DNAJC1: variants seen among roughly 807,000 people sequenced by gnomAD.
DNAJC1 encodes the protein DnaJ heat shock protein family (Hsp40) member C1.
A neutral mutation model predicts 76.6 loss-of-function variants in DNAJC1; 58 were observed. The observed-to-expected ratio is 0.76, with a 90% CI of 0.61 to 0.94. DNAJC1 has a LOEUF of 0.94. Among genes scored for constraint, DNAJC1 ranks in the 40% least tolerant of loss-of-function variants. The pLI is 0.00. For synonymous variants in DNAJC1, 258 were observed against 267.9 expected, an observed-to-expected ratio of 0.96 and a Z score of 0.36; for missense variants, 689 against 677.3, an observed-to-expected ratio of 1.02 and a Z score of -0.19.
At chr10:21,854,809 G>C (rs759249604) in intron 8 of DNAJC1, among the ~76,000 whole-genome samples, 1 of 152,000 alleles carries the variant, frequency 6.6e-6, no homozygotes, top group South Asian at 2.1e-4. Flanking sequence ...TTATCTTGGC[G>C]TTTTAAAAAT....
chr10:21,939,190 G>A (rs938760798), intron 1 of DNAJC1, among the ~76,000 whole-genome samples: 17 of 152,022 alleles, frequency 1.1e-4, no homozygotes, highest in East Asian at 1.9e-4. Context: ...CTCCCGGCCC[G>A]CTCAAAGTAA....
intron 1 of DNAJC1, among the ~76,000 whole-genome samples, chr10:21,932,176 A>G (rs1455483245): frequency 6.6e-6 from 1 of 152,034 alleles, no homozygotes; most frequent in Non-Finnish European, 1.5e-5. Flanking sequence ...ATCTGTGCAA[A>G]AAAAAATTGT....
intron 9 of DNAJC1, among the ~76,000 whole-genome samples, chr10:21,791,624 T>C (rs1360630317): frequency 6.6e-6 from 1 of 152,012 alleles, no homozygotes; most frequent in Admixed American, 6.6e-5. Flanking sequence ...GAAAATTAAA[T>C]GTGCTCCTGA....
At chr10:21,870,571 G>A (rs959889299) in intron 8 of DNAJC1, among the ~76,000 whole-genome samples, 1 of 151,952 alleles carries the variant, frequency 6.6e-6, no homozygotes, top group Non-Finnish European at 1.5e-5. Flanking sequence ...CCCAAGAGTT[G>A]GAGACGAGCC....
intron 7 of DNAJC1, among the ~76,000 whole-genome samples, chr10:21,891,855 T>C (rs1232103264): frequency 1.3e-5 from 2 of 152,162 alleles, no homozygotes; most frequent in East Asian, 1.9e-4. Context: ...AAAGAAAATA[T>C]ATTGGACAAC....
chr10:21,772,137 T>G (rs564990864), intron 9 of DNAJC1, among the ~76,000 whole-genome samples: 5 of 152,272 alleles, frequency 3.3e-5, no homozygotes, highest in African/African-American at 1.2e-4. Context: ...GAATTCAGTT[T>G]GGTGGTATTT....
At chr10:21,887,041 G>A (rs1226226973) in intron 7 of DNAJC1, among the ~76,000 whole-genome samples, 1 of 152,120 alleles carries the variant, frequency 6.6e-6, no homozygotes, top group Non-Finnish European at 1.5e-5. Context: ...CTTCAGCAAA[G>A]TTTCAGGATA....
intron 9 of DNAJC1, among the ~76,000 whole-genome samples, chr10:21,769,937 C>T (rs542210571): frequency 7.9e-5 from 12 of 152,138 alleles, no homozygotes; most frequent in Non-Finnish European, 1.6e-4. Flanking sequence ...CCACCCACCT[C>T]GGCCTCCCAA....
chr10:21,953,224 C>G (rs1301424009), intron 1 of DNAJC1, among the ~76,000 whole-genome samples: 1 of 151,904 alleles, frequency 6.6e-6, no homozygotes, highest in East Asian at 1.9e-4. Context: ...CTTGGGAACT[C>G]AAATGTTGAA....
chr10:21,838,640 AAAT>A lies in DNAJC1; in HGVS notation c.979-32544_979-32542del, dbSNP rs895392259. ...TCAATAAATACTAAAAAAGAAAAAAAAATAATAATGGGAGACTTTAGCACCCCA... is the reference window on the plus strand; with the variant it reads ...TCAATAAATACTAAAAAAGAAAAAAAAATAATGGGAGACTTTAGCACCCCA... On this transcript the variant is annotated intron_variant, in intron 8 of 11. Coordinates refer to ENST00000376980, the MANE Select transcript of DNAJC1 (RefSeq NM_022365.4). Among the ~76,000 whole-genome samples, 9 of 151,920 alleles carry A rather than the reference AAAT, an allele frequency of 5.9e-5. 1 individual carries two copies. The highest frequency in any genetic ancestry group is 1.3e-4 in the Admixed American group (2 of 15,250).
chr10:21,917,990 G>C (rs1330465366), intron 6 of DNAJC1, among the ~76,000 whole-genome samples: 1 of 151,766 alleles, frequency 6.6e-6, no homozygotes, highest in Non-Finnish European at 1.5e-5. Flanking sequence ...ATATTATCTG[G>C]TCCTCTAGAT....
intron 9 of DNAJC1, among the ~76,000 whole-genome samples, chr10:21,788,820 A>G (rs1314701784): frequency 6.6e-6 from 1 of 152,138 alleles, no homozygotes; most frequent in Non-Finnish European, 1.5e-5. Context: ...TCTTCCCTGG[A>G]GTCAGGCCAG....
chr10:21,786,447 TATATATATATATATATAGAG>T (rs1385711826), intron 9 of DNAJC1, among the ~76,000 whole-genome samples: 57 of 112,880 alleles, frequency 5.0e-4, no homozygotes, highest in African/African-American at 1.8e-3. Context: ...TATATATATA[TATATATATATATATATAGAG>T]AGAGAGAGAG....
At chr10:21,808,926 A>G (rs1834923087) in intron 8 of DNAJC1, among the ~76,000 whole-genome samples, 1 of 152,242 alleles carries the variant, frequency 6.6e-6, no homozygotes, top group Admixed American at 6.5e-5. Context: ...CATTCTGGGA[A>G]TAAATCTCCA....
At chr10:21,813,206 CTCTCTCTCTCTCTCTATATA>C (rs1235085695) in intron 8 of DNAJC1, among the ~76,000 whole-genome samples, 12 of 73,324 alleles carry the variant, frequency 1.6e-4, no homozygotes, top group East Asian at 3.4e-4. Flanking sequence ...CTCTCTCTCT[CTCTCTCTCTCTCTCTATATA>C]TATATATATA....
At chr10:21,786,636 C>T (rs1018709298) in intron 9 of DNAJC1, among the ~76,000 whole-genome samples, 4 of 151,810 alleles carry the variant, frequency 2.6e-5, no homozygotes, top group African/African-American at 7.3e-5. Context: ...GCCACCACAC[C>T]GGCTAATTTT....
chr10:21,803,938 G>GA (rs999109579), intron 9 of DNAJC1: 18 of 983,808 alleles, frequency 1.8e-5, no homozygotes, highest in Non-Finnish European at 2.2e-5. Flanking sequence ...ATGATAAAGG[G>GA]AAAAAATATC....
chr10:21,968,813 A>G (rs1314057382), intron 1 of DNAJC1, among the ~76,000 whole-genome samples: 2 of 152,136 alleles, frequency 1.3e-5, no homozygotes, highest in Non-Finnish European at 2.9e-5. Context: ...CCCAGCCAAC[A>G]TATCTTGAAA....
chr10:21,799,397 C>G (rs1834787556), intron 9 of DNAJC1, among the ~76,000 whole-genome samples: 1 of 152,072 alleles, frequency 6.6e-6, no homozygotes, highest in Admixed American at 6.6e-5. Context: ...CTCCTGGGCT[C>G]AAGTGATCCT....
Sources: allele counts gnomAD v4.1 joint callset (sites outside exome capture counted in the v4.1 genomes callset), GRCh38; gene constraint gnomAD v4.1.1; transcripts MANE v1.5; gene names NCBI Gene and HGNC (gene_info 2026-07-23, HGNC 2026-07-21).